PARD3B: variants seen among roughly 807,000 people sequenced by gnomAD.
PARD3B encodes partitioning defective 3 homolog B.
A neutral mutation model predicts 130.2 loss-of-function variants in PARD3B; 103 were observed. That is an observed-to-expected ratio of 0.79 (90% confidence interval 0.67 to 0.93). The LOEUF (loss-of-function observed/expected upper bound fraction) is 0.93. Among genes scored for constraint, PARD3B ranks in the 40% least tolerant of loss-of-function variants. PARD3B has a pLI of 0.00. For synonymous variants in PARD3B, 583 were observed against 553.2 expected (o/e 1.05, Z -0.76); for missense variants, 1,609 against 1,499.2 (o/e 1.07, Z -1.21).
chr2:204,727,242 C>T (rs2039277314), intron 2 of PARD3B, among the ~76,000 whole-genome samples: 1 of 152,164 alleles, frequency 6.6e-6, no homozygotes, highest in South Asian at 2.1e-4. Flanking sequence ...TTTGTGTACA[C>T]ATGTTTCATT....
At chr2:204,954,789 A>G (rs1344396167) in intron 2 of PARD3B, among the ~76,000 whole-genome samples, 1 of 152,170 alleles carries the variant, frequency 6.6e-6, no homozygotes, top group Non-Finnish European at 1.5e-5. Flanking sequence ...AAAGATATTC[A>G]TACAGCTCAA....
intron 3 of PARD3B, among the ~76,000 whole-genome samples, chr2:204,974,778 C>T (rs986111063): frequency 2.0e-5 from 3 of 152,114 alleles, no homozygotes; most frequent in African/African-American, 2.4e-5. Flanking sequence ...TTGGTCTTAA[C>T]GATACAGTTA....
At chr2:204,981,313 A>G (rs1692648999) in intron 3 of PARD3B, among the ~76,000 whole-genome samples, 1 of 152,200 alleles carries the variant, frequency 6.6e-6, no homozygotes, top group Non-Finnish European at 1.5e-5. Flanking sequence ...ATTGGAAACA[A>G]CCTAAATGTC....
At chr2:204,918,933 C>G (rs2047558121) in intron 2 of PARD3B, among the ~76,000 whole-genome samples, 1 of 151,634 alleles carries the variant, frequency 6.6e-6, no homozygotes, top group South Asian at 2.1e-4. Context: ...CCCATTATAC[C>G]CAGTCTTCAT....
Position 205,090,386 on chromosome 2 carries a change from C to T in PARD3B, c.505-14040C>T, listed in dbSNP as rs552900994. 4.8e-4 allele frequency among the ~76,000 whole-genome samples: 73 copies of T among 152,200 alleles called. 2 individuals carry two copies. The highest frequency in any genetic ancestry group is 9.4e-4 in the Non-Finnish European group (64 of 68,046). On this transcript the variant is annotated intron_variant, in intron 4 of 22. Coordinates refer to ENST00000406610, the MANE Select transcript of PARD3B (RefSeq NM_001302769.2). Reference sequence around the variant, plus strand: ...TTACAGGTTTGAAACATAACTGCTTCATGTATGTTTTTAACCATTCCTTGT... The same window carrying T: ...TTACAGGTTTGAAACATAACTGCTTTATGTATGTTTTTAACCATTCCTTGT...
chr2:204,693,579 T>C (rs1417392536), intron 2 of PARD3B, among the ~76,000 whole-genome samples: 3 of 152,098 alleles, frequency 2.0e-5, no homozygotes, highest in Non-Finnish European at 4.4e-5. Context: ...ATTAACACAC[T>C]ATTAATAATG....
intron 18 of PARD3B, among the ~76,000 whole-genome samples, chr2:205,386,290 G>T (rs1320739883): frequency 6.6e-6 from 1 of 152,156 alleles, no homozygotes; most frequent in African/African-American, 2.4e-5. Context: ...ACTCTCTGGG[G>T]TTGGGAGGAG....
chr2:205,110,830 T>C (rs887851024), intron 5 of PARD3B, among the ~76,000 whole-genome samples: 2 of 151,998 alleles, frequency 1.3e-5, no homozygotes, highest in Non-Finnish European at 2.9e-5. Flanking sequence ...TACTCTAGAG[T>C]TTATCTAAAC....
intron 18 of PARD3B, among the ~76,000 whole-genome samples, chr2:205,342,212 C>T (rs989860828): frequency 6.6e-6 from 1 of 152,126 alleles, no homozygotes; most frequent in Non-Finnish European, 1.5e-5. Context: ...GATATGCAGG[C>T]ACTCTGATAG....
chr2:204,810,567 C>A (rs1274786429), intron 2 of PARD3B, among the ~76,000 whole-genome samples: 1 of 151,940 alleles, frequency 6.6e-6, no homozygotes, highest in Non-Finnish European at 1.5e-5. Context: ...TTTTCTGCAT[C>A]TGTAATCATG....
chr2:204,618,972 C>G (rs2034204951), intron 1 of PARD3B, among the ~76,000 whole-genome samples: 1 of 151,972 alleles, frequency 6.6e-6, no homozygotes, highest in Non-Finnish European at 1.5e-5. Context: ...TTTGTTTTCT[C>G]TTCTTCCATC....
intron 10 of PARD3B, among the ~76,000 whole-genome samples, chr2:205,155,459 C>A (rs1463314590): frequency 6.6e-6 from 1 of 151,968 alleles, no homozygotes; most frequent in Non-Finnish European, 1.5e-5. Context: ...GCCAGTGGAG[C>A]AGTAATACCT....
chr2:204,849,685 C>G (rs1238569299), intron 2 of PARD3B, among the ~76,000 whole-genome samples: 1 of 152,122 alleles, frequency 6.6e-6, no homozygotes, highest in Non-Finnish European at 1.5e-5. Context: ...TAGCATTTAT[C>G]AGAAAGAAAA....
chr2:205,195,476 T>A (rs184117569), intron 15 of PARD3B, among the ~76,000 whole-genome samples: 23 of 152,310 alleles, frequency 1.5e-4, no homozygotes, highest in Admixed American at 6.5e-4. Flanking sequence ...TTTTGATCCC[T>A]TCTCCCCAGA....
intron 4 of PARD3B, among the ~76,000 whole-genome samples, chr2:205,051,210 C>T (rs1212140484): frequency 6.6e-6 from 1 of 152,092 alleles, no homozygotes; most frequent in African/African-American, 2.4e-5. Flanking sequence ...TTGGCGCTTC[C>T]TTCACAACTC....
chr2:204,635,784 A>G (rs921050409), intron 1 of PARD3B, among the ~76,000 whole-genome samples: 3 of 152,218 alleles, frequency 2.0e-5, no homozygotes, highest in African/African-American at 7.2e-5. Flanking sequence ...CAAGCTTTGT[A>G]TGGAAGATAA....
At chr2:205,483,817 A>G (rs892717672) in intron 20 of PARD3B, among the ~76,000 whole-genome samples, 4 of 152,036 alleles carry the variant, frequency 2.6e-5, no homozygotes, top group African/African-American at 9.7e-5. Flanking sequence ...TTTTATGTAG[A>G]ATTGGAAGGG....
chr2:205,190,430 G>A (rs2036332205), intron 14 of PARD3B, among the ~76,000 whole-genome samples: 1 of 152,184 alleles, frequency 6.6e-6, no homozygotes, highest in Non-Finnish European at 1.5e-5. Context: ...ATTGCATGAT[G>A]TGCACCATTC....
rs372454874 is a variant in PARD3B, at chr2:205,399,853, C to T, written c.2631-1160C>T. Among the ~76,000 whole-genome samples, 6 of 152,206 alleles carry T rather than the reference C, an allele frequency of 3.9e-5. No individual in the cohort carries two copies. In the South Asian group the frequency reaches 1.0e-3, roughly 26 times the overall value. ...AATTGTATTATATTTTCATTGTGTTCCAGAGCTGACTCAGGAAGCTGGGGC... is the reference window on the plus strand; with the variant it reads ...AATTGTATTATATTTTCATTGTGTTTCAGAGCTGACTCAGGAAGCTGGGGC... On this transcript the variant is annotated intron_variant, in intron 18 of 22. Transcript: ENST00000406610.
Sources: gnomAD v4.1 joint callset for allele counts (sites outside exome capture counted in the v4.1 genomes callset) on GRCh38, gnomAD v4.1.1 for gene constraint, MANE v1.5 for transcripts, NCBI Gene and HGNC (gene_info 2026-07-23, HGNC 2026-07-21) for gene names.